HDAC9: variants seen among roughly 807,000 people sequenced by gnomAD.
HDAC9 encodes histone deacetylase 9, also known as MEF-2 interacting transcription repressor (MITR) protein.
A neutral mutation model predicts 139.4 loss-of-function variants in HDAC9; 41 were observed. The observed-to-expected ratio is 0.29, with a 90% CI of 0.23 to 0.38. The LOEUF (loss-of-function observed/expected upper bound fraction) is 0.38, where lower values mean the gene tolerates loss of function less well. HDAC9 is among the 10% of genes least tolerant of loss of function. HDAC9 has a pLI of 1.00. For synonymous variants in HDAC9, 517 were observed against 476.2 expected (o/e 1.09, Z -1.12); for missense variants, 1,147 against 1,297.0 (o/e 0.88, Z 1.78).
intron 1 of HDAC9, among the ~76,000 whole-genome samples, chr7:18,291,291 T>C (rs1258843509): frequency 6.6e-6 from 1 of 151,756 alleles, no homozygotes; most frequent in African/African-American, 2.4e-5. Context: ...GGAGCAGGAG[T>C]AGAGGATAGT....
intron 23 of HDAC9, among the ~76,000 whole-genome samples, chr7:18,951,519 G>A (rs962839655): frequency 1.3e-5 from 2 of 151,656 alleles, no homozygotes; most frequent in African/African-American, 2.4e-5. Context: ...ATGGCATGAC[G>A]GGTGTGTACT....
intron 16 of HDAC9, among the ~76,000 whole-genome samples, chr7:18,773,362 TATACACAC>T (rs1452631061): frequency 2.6e-5 from 3 of 116,770 alleles, no homozygotes; most frequent in Admixed American, 1.0e-4. Flanking sequence ...TAAAAAACTG[TATACACAC>T]ACACACACAC....
At chr7:18,132,022 G>A (rs1785044543) in intron 1 of HDAC9, among the ~76,000 whole-genome samples, 1 of 152,108 alleles carries the variant, frequency 6.6e-6, no homozygotes, top group Non-Finnish European at 1.5e-5. Context: ...TGGGCCAGGT[G>A]GTAATTACAG....
At chr7:18,799,058 C>T (rs1013647627) in intron 17 of HDAC9, among the ~76,000 whole-genome samples, 3 of 144,908 alleles carry the variant, frequency 2.1e-5, no homozygotes, top group East Asian at 4.3e-4. Flanking sequence ...CACACACACA[C>T]ACACACACAC....
At chr7:18,791,054 T>C (rs145547894) in intron 16 of HDAC9, among the ~76,000 whole-genome samples, 120 of 152,330 alleles carry the variant, frequency 7.9e-4, no homozygotes, top group African/African-American at 2.7e-3. Context: ...GGCATATGGG[T>C]ATCACGCAAA....
At chr7:18,100,437 C>A (rs973657539) in intron 1 of HDAC9, among the ~76,000 whole-genome samples, 1 of 152,152 alleles carries the variant, frequency 6.6e-6, no homozygotes, top group East Asian at 1.9e-4. Flanking sequence ...ACTCCAGTTG[C>A]ATGTATATTA....
chr7:18,227,580 A>G (rs1793146730), intron 2 of HDAC9, among the ~76,000 whole-genome samples: 1 of 152,136 alleles, frequency 6.6e-6, no homozygotes, highest in South Asian at 2.1e-4. Flanking sequence ...TCTTAGGTGC[A>G]GATAAAGAGC....
intron 1 of HDAC9, among the ~76,000 whole-genome samples, chr7:18,341,992 C>T (rs1214621021): frequency 6.6e-6 from 1 of 151,868 alleles, no homozygotes; most frequent in Admixed American, 6.6e-5. Flanking sequence ...GTTTACTGTA[C>T]TCAGTGTCCC....
rs78578865 is a variant in HDAC9 at position 18,679,273 on chromosome 7, T to C, written c.1731+12797T>C. Among the ~76,000 whole-genome samples the C allele has an allele frequency of 1.3e-3, 202 of 152,034 alleles. 7 individuals carry two copies. The East Asian group carries it at 0.037, about 28-fold the overall frequency. Reference sequence around the variant, plus strand: ...CAAATATTAACTTTAAAGGCAGATATGAGGGAACAACCATTAACAATTGCC... The same window carrying C: ...CAAATATTAACTTTAAAGGCAGATACGAGGGAACAACCATTAACAATTGCC... On this transcript the variant is annotated intron_variant, in intron 12 of 25. Transcript: ENST00000686413.
In HDAC9 at chr7:18,113,476, C is replaced by T. The variant is rs190199759; in HGVS notation, c.-97+26263C>T. Among the ~76,000 whole-genome samples the T allele has an allele frequency of 6.1e-3, 928 of 152,222 alleles. 8 individuals carry two copies. The highest frequency in any genetic ancestry group is 0.021 in the African/African-American group (885 of 41,524). ...TCCATGGACACGGATTAAGTTTCTA[C>T]GAGATGATCAGAAATGGGATATAAT... is the stretch of plus-strand genomic sequence containing the variant. On this transcript the variant is annotated intron_variant, in intron 1 of 12. Coordinates refer to the HDAC9 transcript ENST00000417496.
chr7:18,549,184 G>T (rs1318479569), intron 2 of HDAC9, among the ~76,000 whole-genome samples: 2 of 152,214 alleles, frequency 1.3e-5, no homozygotes, highest in Non-Finnish European at 2.9e-5. Flanking sequence ...GTTGCAGTGA[G>T]CTGAGATTGC....
chr7:18,493,053 T>G (rs2128135917), upstream of HDAC9, among the ~76,000 whole-genome samples: 1 of 152,080 alleles, frequency 6.6e-6, no homozygotes, highest in Non-Finnish European at 1.5e-5. Flanking sequence ...AGACACATTA[T>G]TTACAGTATT....
chr7:18,959,923 C>A (rs138880824), intron 24 of HDAC9, among the ~76,000 whole-genome samples: 1 of 151,846 alleles, frequency 6.6e-6, no homozygotes, highest in South Asian at 2.1e-4. Flanking sequence ...ATGTTCTTGT[C>A]AAATGTGTTT....
chr7:18,984,545 A>G (rs1208525966), intron 25 of HDAC9, among the ~76,000 whole-genome samples: 2 of 152,152 alleles, frequency 1.3e-5, no homozygotes, highest in Non-Finnish European at 2.9e-5. Flanking sequence ...CAGCCAAGAA[A>G]CCCTTATGGT....
chr7:18,734,041 C>A (rs529226102), intron 13 of HDAC9, among the ~76,000 whole-genome samples: 1 of 152,070 alleles, frequency 6.6e-6, no homozygotes, highest in East Asian at 1.9e-4. Context: ...TCCTATTTCA[C>A]GTATACCTTG....
intron 23 of HDAC9, among the ~76,000 whole-genome samples, chr7:18,944,237 C>T (rs1188238211): frequency 7.9e-5 from 12 of 152,142 alleles, no homozygotes. Context: ...CCCTTGTCCT[C>T]TTGGTCTTGA....
At chr7:18,478,609 T>C (rs1269972505) in intron 1 of HDAC9, among the ~76,000 whole-genome samples, 2 of 152,194 alleles carry the variant, frequency 1.3e-5, no homozygotes, top group East Asian at 3.8e-4. Flanking sequence ...GGAAGATAAA[T>C]TTAGCCAAGA....
intron 2 of HDAC9, among the ~76,000 whole-genome samples, chr7:18,234,338 A>G (rs1416854431): frequency 6.6e-6 from 1 of 152,228 alleles, no homozygotes; most frequent in African/African-American, 2.4e-5. Flanking sequence ...GCCAATATGT[A>G]GAAGAGAGAA....
At chr7:18,660,377 A>G (rs987642525) in intron 11 of HDAC9, among the ~76,000 whole-genome samples, 10 of 152,180 alleles carry the variant, frequency 6.6e-5, no homozygotes, top group Admixed American at 2.0e-4. Context: ...ATTCCAGAGA[A>G]GATGAAAAAC....
Sources: allele counts gnomAD v4.1 joint callset (sites outside exome capture counted in the v4.1 genomes callset), GRCh38; gene constraint gnomAD v4.1.1; transcripts MANE v1.5; gene names NCBI Gene and HGNC (gene_info 2026-07-23, HGNC 2026-07-21).